TOMM70: variants seen among roughly 807,000 people sequenced by gnomAD.
TOMM70 encodes mitochondrial import receptor subunit TOM70.
A neutral mutation model predicts 73.6 loss-of-function variants in TOMM70; 13 were observed. The observed-to-expected ratio is 0.18, with a 90% CI of 0.11 to 0.28. TOMM70 has a LOEUF of 0.28. Among genes scored for constraint, TOMM70 ranks in the 10% least tolerant of loss-of-function variants. The probability of loss-of-function intolerance (pLI) is 1.00; values close to 1 mark genes in which losing one functional copy is unlikely to be tolerated. For synonymous variants in TOMM70, 257 were observed against 271.2 expected (o/e 0.95, Z 0.51); for missense variants, 609 against 747.5 (o/e 0.81, Z 2.16).
At position 100,387,599 on chromosome 3, in the gene TOMM70, G is replaced by GACACACACACACAC. The variant is rs71752325; in HGVS notation, c.325-635_325-622dup. Among the ~76,000 whole-genome samples the GACACACACACACAC allele has an allele frequency of 2.0e-3, 233 of 118,206 alleles. 2 individuals carry two copies. Among genetic ancestry groups the GACACACACACACAC allele is most frequent in the Admixed American group, 8.1e-3 (88 of 10,924 alleles). The allele number at this position is 118,206 out of a possible 152,430, so 77.5% of individuals were successfully genotyped here. A position where few individuals can be genotyped will look rare whatever the true frequency, so the allele number is the denominator to read the frequency against. On this transcript the variant is annotated intron_variant, in intron 1 of 11. Transcript: ENST00000284320. Reference sequence around the variant, plus strand: ...GCTAAAAGACACAGACACAGACACAGACACACACACACACACACACACACA... The same window carrying GACACACACACACAC: ...GCTAAAAGACACAGACACAGACACAGACACACACACACACACACACACACACACACACACACACA...
chr3:100,380,205 C>T (rs1166966221), intron 5 of TOMM70, among the ~76,000 whole-genome samples: 4 of 151,884 alleles, frequency 2.6e-5, no homozygotes, highest in African/African-American at 7.3e-5. Flanking sequence ...AATTAGCTGG[C>T]GTCGTGGCAT....
rs1706439344 is a variant in TOMM70, at chr3:100,365,530, T to C, written c.*34A>G. 6.2e-7 allele frequency: 1 copy of C among 1,613,722 alleles called. No homozygotes were observed. Among genetic ancestry groups the C allele is most frequent in the African/African-American group, 1.3e-5 (1 of 75,040 alleles). ...GGTTCAGTTGAAGAGGGGGTAAACT[T>C]TTAAAAAGAGGGTCAGTCTGCTTTC... is the stretch of plus-strand genomic sequence containing the variant. On this transcript the variant is annotated 3_prime_UTR_variant, in exon 12 of 12. Transcript: ENST00000284320.
chr3:100,392,370 A>C (rs1397845908), intron 1 of TOMM70, among the ~76,000 whole-genome samples: 1 of 152,202 alleles, frequency 6.6e-6, no homozygotes, highest in Non-Finnish European at 1.5e-5. Context: ...CAGGTAATAC[A>C]CCAAAGAAAA....
At chr3:100,379,820 T>A (rs1215956383) in intron 5 of TOMM70, among the ~76,000 whole-genome samples, 1 of 152,088 alleles carries the variant, frequency 6.6e-6, no homozygotes, top group Non-Finnish European at 1.5e-5. Flanking sequence ...GGTTTCTCCA[T>A]GTTGCCCAGG....
chr3:100,374,955 T>C, intron 7 of TOMM70, 63 bp downstream of exon 7: 3 of 1,435,776 alleles, frequency 2.1e-6, no homozygotes, highest in Non-Finnish European at 1.8e-6. Context: ...CATAAGAAAT[T>C]CTCAAAAATG....
At chr3:100,378,764 T>C (rs1706594465) in intron 5 of TOMM70, among the ~76,000 whole-genome samples, 1 of 152,184 alleles carries the variant, frequency 6.6e-6, no homozygotes, top group Non-Finnish European at 1.5e-5. Flanking sequence ...CCCAGCACTT[T>C]GGGAGGCAGA....
intron 5 of TOMM70, among the ~76,000 whole-genome samples, chr3:100,379,536 G>C (rs1706606913): frequency 6.6e-6 from 1 of 152,188 alleles, no homozygotes; most frequent in Non-Finnish European, 1.5e-5. Flanking sequence ...ATTGAGGCGA[G>C]AGGATAGCTT....
At chr3:100,366,610 C>T (rs1043235188) in intron 11 of TOMM70, among the ~76,000 whole-genome samples, 1 of 152,238 alleles carries the variant, frequency 6.6e-6, no homozygotes, top group African/African-American at 2.4e-5. Flanking sequence ...CATGTTCTGG[C>T]ATTAGGCCAA....
chr3:100,368,114 T>C lies in TOMM70; in HGVS notation c.1603A>G (p.Ser535Gly). The change falls in exon 11 of 12, where the codon AGC (serine) becomes GGC (glycine). Residue 535 changes from serine (S) to glycine (G), a missense_variant. Around this residue, in one of 2 missense-constraint regions of TOMM70, gnomAD observed 432 missense variants for 584.1 expected, o/e 0.74. Coordinates refer to ENST00000284320, the MANE Select transcript of TOMM70 (RefSeq NM_014820.5). The stretch of plus-strand genomic sequence containing the variant: ...TTATTGTCAATTTCAATAGCCTTGC[T>C]GATAAGTTCCAAACCTCTATCCAGA... ...QDLDRGLELI[S>G]KAIEIDNKCD... 6.2e-7 allele frequency: 1 copy of C among 1,613,996 alleles called. No individual in the cohort carries two copies. The highest frequency in any genetic ancestry group is 8.5e-7 in the Non-Finnish European group (1 of 1,179,952).
At chr3:100,391,205 CTG>C (rs888572582) in intron 1 of TOMM70, among the ~76,000 whole-genome samples, 10 of 152,180 alleles carry the variant, frequency 6.6e-5, no homozygotes, top group Admixed American at 2.6e-4. Context: ...CAATAAACAA[CTG>C]TGTTACTGGT....
intron 1 of TOMM70, among the ~76,000 whole-genome samples, chr3:100,391,965 C>A (rs1706768182): frequency 6.6e-6 from 1 of 152,092 alleles, no homozygotes; most frequent in African/African-American, 2.4e-5. Context: ...ACAGGTGTAC[C>A]ATTTTTTATC....
intron 6 of TOMM70, among the ~76,000 whole-genome samples, chr3:100,375,680 C>T (rs4928123): frequency 0.24 from 36,007 of 151,960 alleles, 5,292 homozygotes; most frequent in South Asian, 0.37. Flanking sequence ...TTTTTGGCTA[C>T]CATAAATAAT....
chr3:100,399,732 C>T (rs1326355569), intron 1 of TOMM70, among the ~76,000 whole-genome samples: 3 of 143,854 alleles, frequency 2.1e-5, no homozygotes, highest in African/African-American at 7.8e-5. Context: ...GAAGTCACTC[C>T]CATTTTTTTT....
At chr3:100,399,196 T>C (rs1228006362) in intron 1 of TOMM70, among the ~76,000 whole-genome samples, 1 of 151,714 alleles carries the variant, frequency 6.6e-6, no homozygotes, top group Non-Finnish European at 1.5e-5. Flanking sequence ...GCAGAACTGC[T>C]TGAACCCAGG....
At chr3:100,385,221 G>A (rs753592704) in intron 3 of TOMM70, among the ~76,000 whole-genome samples, 3 of 152,154 alleles carry the variant, frequency 2.0e-5, no homozygotes, top group Non-Finnish European at 4.4e-5. Context: ...CACGGCTAGC[G>A]CCAATGTCAA....
chr3:100,398,720 C>T (rs570359192), intron 1 of TOMM70, among the ~76,000 whole-genome samples: 6 of 152,244 alleles, frequency 3.9e-5, no homozygotes, highest in East Asian at 3.9e-4. Context: ...ACAGGGATGA[C>T]GCTAAGGTCA....
intron 1 of TOMM70, among the ~76,000 whole-genome samples, chr3:100,390,878 G>A (rs1261107888): frequency 6.6e-6 from 1 of 151,972 alleles, no homozygotes; most frequent in Admixed American, 6.6e-5. Flanking sequence ...GGCGGCTCAC[G>A]CTTGTAATTC....
chr3:100,387,099 T>C, intron 1 of TOMM70, 121 bp from the exon 2 acceptor site: 1 of 988,870 alleles, frequency 1.0e-6, no homozygotes, highest in Non-Finnish European at 1.5e-6. Context: ...TGTAAGTTGC[T>C]TCATACAAAT....
intron 11 of TOMM70, among the ~76,000 whole-genome samples, chr3:100,367,342 G>T (rs996727023): frequency 2.6e-5 from 4 of 152,188 alleles, no homozygotes; most frequent in Admixed American, 2.6e-4. Context: ...AGGACTACAG[G>T]AGGGGCTGAA....
Sources: gnomAD v4.1 joint callset for allele counts (sites outside exome capture counted in the v4.1 genomes callset) on GRCh38, gnomAD v4.1.1 for gene constraint, gnomAD v4.1.1 regional missense constraint, MANE v1.5 for transcripts, NCBI Gene and HGNC (gene_info 2026-07-23, HGNC 2026-07-21) for gene names.